Variants in ADAM12 observed in about 807,000 individuals in gnomAD.
The protein encoded by ADAM12 is disintegrin and metalloproteinase domain-containing protein 12.
ADAM12 carries 70 observed loss-of-function variants against 106.4 expected under a neutral mutation model. The observed-to-expected ratio is 0.66, with a 90% CI of 0.54 to 0.80. ADAM12 has a LOEUF of 0.80. ADAM12 is among the 30% of genes least tolerant of loss of function. The pLI is 0.00. For missense variants in ADAM12, 1,010 were observed against 1,171.9 expected, an observed-to-expected ratio of 0.86 and a Z score of 2.02; for synonymous variants, 420 against 433.5, an observed-to-expected ratio of 0.97 and a Z score of 0.39.
At chr10:126,347,013 C>T (rs1211258035) in intron 1 of ADAM12, among the ~76,000 whole-genome samples, 2 of 152,126 alleles carry the variant, frequency 1.3e-5, no homozygotes, top group African/African-American at 4.8e-5. Flanking sequence ...GAGCAGTTAG[C>T]CCATTTACAC....
chr10:126,284,752 C>T (rs980064099), intron 2 of ADAM12, among the ~76,000 whole-genome samples: 1 of 152,198 alleles, frequency 6.6e-6, no homozygotes, highest in African/African-American at 2.4e-5. Context: ...CCCATCTCTT[C>T]TCTGCAGCTG....
intron 16 of ADAM12, among the ~76,000 whole-genome samples, chr10:126,046,770 TC>T (rs1384981926): frequency 1.6e-5 from 2 of 121,476 alleles, no homozygotes; most frequent in African/African-American, 6.6e-5. Flanking sequence ...GCTACTGCAC[TC>T]CAGTCTGGCG....
intron 4 of ADAM12, among the ~76,000 whole-genome samples, chr10:126,137,776 TA>T (rs754880305): frequency 3.9e-5 from 6 of 152,256 alleles, no homozygotes; most frequent in Non-Finnish European, 8.8e-5. Flanking sequence ...ATATTTTGCT[TA>T]TCCAAGTGTT....
At chr10:126,138,223 C>T (rs994704446) in intron 4 of ADAM12, among the ~76,000 whole-genome samples, 1 of 152,066 alleles carries the variant, frequency 6.6e-6, no homozygotes, top group African/African-American at 2.4e-5. Context: ...TACTCAAATC[C>T]TTGCTTATTT....
chr10:126,100,287 G>A (rs1023991903), intron 9 of ADAM12, among the ~76,000 whole-genome samples: 3 of 152,150 alleles, frequency 2.0e-5, no homozygotes, highest in East Asian at 1.9e-4. Flanking sequence ...AAGAGTCACA[G>A]CCACAACAGG....
chr10:126,344,071 G>C (rs1160725539), intron 1 of ADAM12, among the ~76,000 whole-genome samples: 2 of 152,098 alleles, frequency 1.3e-5, no homozygotes, highest in African/African-American at 4.8e-5. Flanking sequence ...ATTGCTTTTG[G>C]CGTTTTAGAC....
intron 4 of ADAM12, among the ~76,000 whole-genome samples, chr10:126,150,433 A>G (rs1956708708): frequency 6.6e-6 from 1 of 152,160 alleles, no homozygotes; most frequent in Non-Finnish European, 1.5e-5. Context: ...GTCCTATGAC[A>G]AACTCAACAC....
chr10:126,383,794 T>C (rs4474359), intron 1 of ADAM12, among the ~76,000 whole-genome samples: 11,121 of 152,196 alleles, frequency 0.073, 447 homozygotes, highest in Middle Eastern at 0.13. Flanking sequence ...TGTTTATCTA[T>C]ATATTTTATA....
chr10:126,343,803 GT>G lies in ADAM12; in HGVS notation c.89-13295del, dbSNP rs1280896144. Among the ~76,000 whole-genome samples, 8 of 152,308 alleles carry G rather than the reference GT, an allele frequency of 5.3e-5. No homozygotes were observed. In the East Asian group the frequency reaches 1.5e-3, roughly 29 times the overall value. On this transcript the variant is annotated intron_variant, in intron 1 of 22. Coordinates refer to ENST00000448723, the MANE Select transcript of ADAM12 (RefSeq NM_001288973.2). ...AGTGATGAGGAGCATTTTTTCATGT[GT>G]CTGTTAGCTGCATAAATGTCTTCTT...
At chr10:126,352,775 G>A (rs1306470099) in intron 1 of ADAM12, among the ~76,000 whole-genome samples, 1 of 152,198 alleles carries the variant, frequency 6.6e-6, no homozygotes, top group African/African-American at 2.4e-5. Context: ...CTTGGAGGCT[G>A]GGGACCTTGC....
intron 2 of ADAM12, among the ~76,000 whole-genome samples, chr10:126,319,641 T>A (rs918305078): frequency 8.5e-5 from 13 of 152,076 alleles, no homozygotes; most frequent in Non-Finnish European, 1.8e-4. Context: ...AGGTCCCAGA[T>A]GAACCATCAG....
At chr10:126,142,825 G>A (rs188516292) in intron 4 of ADAM12, among the ~76,000 whole-genome samples, 7 of 152,242 alleles carry the variant, frequency 4.6e-5, no homozygotes, top group East Asian at 1.9e-4. Flanking sequence ...GTGGGTGAGC[G>A]TACATGTGTA....
At chr10:126,205,152 C>T (rs746756819) in intron 3 of ADAM12, among the ~76,000 whole-genome samples, 17 of 152,032 alleles carry the variant, frequency 1.1e-4, no homozygotes, top group Non-Finnish European at 2.1e-4. Context: ...AGAGCCTGAC[C>T]AAGAGACAAC....
intron 3 of ADAM12, among the ~76,000 whole-genome samples, chr10:126,250,852 C>T (rs1958732303): frequency 1.3e-5 from 2 of 152,228 alleles, no homozygotes; most frequent in African/African-American, 4.8e-5. Flanking sequence ...TTATTACACT[C>T]ATTTATGTGT....
chr10:126,081,570 G>A (rs903747866), intron 11 of ADAM12, among the ~76,000 whole-genome samples: 1 of 152,178 alleles, frequency 6.6e-6, no homozygotes, highest in African/African-American at 2.4e-5. Flanking sequence ...GCAGACCCAG[G>A]AGGCTCTTCT....
In ADAM12 at chr10:126,021,014, T is replaced by A. The variant is rs866099684; in HGVS notation, c.2530-1189A>T. Among the ~76,000 whole-genome samples the A allele has an allele frequency of 1.3e-3, 128 of 102,366 alleles. 1 individual carries two copies. In the South Asian group the frequency reaches 0.015, roughly 12 times the overall value. 67.2% of individuals were successfully genotyped at this position (102,366 alleles called of 152,430 possible). A position where few individuals can be genotyped will look rare whatever the true frequency, so the allele number is the denominator to read the frequency against. On this transcript the variant is annotated intron_variant, in intron 21 of 22. Coordinates refer to ENST00000448723, the MANE Select transcript of ADAM12 (RefSeq NM_001288973.2). Reference sequence around the variant, plus strand: ...TCTCAAAAAAAAAAAAAAAAAAAAATGTAAGAACACATGCCCCTTTTTTTC... The same window carrying A: ...TCTCAAAAAAAAAAAAAAAAAAAAAAGTAAGAACACATGCCCCTTTTTTTC...
At chr10:126,210,342 C>A (rs1394053358) in intron 3 of ADAM12, among the ~76,000 whole-genome samples, 1 of 152,216 alleles carries the variant, frequency 6.6e-6, no homozygotes, top group Non-Finnish European at 1.5e-5. Flanking sequence ...AGGTCCTCAG[C>A]CTGAGAGAGA....
At chr10:126,095,688 A>T (rs2133567278) in intron 10 of ADAM12, among the ~76,000 whole-genome samples, 1 of 152,136 alleles carries the variant, frequency 6.6e-6, no homozygotes, top group East Asian at 1.9e-4. Context: ...GACCTGAGCT[A>T]GTTTGTTTAG....
chr10:126,017,280 C>T lies in ADAM12; in HGVS notation c.2720G>A (p.Ter907=), dbSNP rs1953676918. ...PRSTHTAYIK[*] The stretch of plus-strand genomic sequence containing the variant: ...CTGTTGAAAAAAGGTGTCGGCTTCT[C>T]ACTTAATATAGGCGGTGTGGGTGGA... The change falls in exon 23 of 23, where the codon TGA becomes TAA. Residue 907 remains the stop codon, a stop_retained_variant. Coordinates refer to ENST00000448723, the MANE Select transcript of ADAM12 (RefSeq NM_001288973.2). 9 of 1,593,734 alleles carry T rather than the reference C, an allele frequency of 5.6e-6. No homozygotes were observed. Among genetic ancestry groups the T allele is most frequent in the South Asian group, 1.1e-5 (1 of 87,396 alleles).
Sources: allele counts gnomAD v4.1 joint callset (sites outside exome capture counted in the v4.1 genomes callset), GRCh38; gene constraint gnomAD v4.1.1; transcripts MANE v1.5; gene names NCBI Gene and HGNC (gene_info 2026-07-23, HGNC 2026-07-21).